The following TMED3 variants were observed in gnomAD, a reference collection of about 807,000 sequenced individuals.
The protein encoded by TMED3 is transmembrane emp24 domain-containing protein 3.
Under a neutral mutation model 15.0 loss-of-function variants are expected in TMED3, and 9 were observed. That is an observed-to-expected ratio of 0.60 (90% CI 0.36 to 1.04). The LOEUF is 1.04. Among genes scored for constraint, TMED3 ranks in the 50% least tolerant of loss-of-function variants. The pLI is 0.01. For synonymous variants in TMED3, 117 were observed against 121.4 expected (o/e 0.96, Z 0.24); for missense variants, 267 against 278.9 (o/e 0.96, Z 0.30).
At chr15:79,370,713 A>G (rs1360399605) in intron 2 of TMED3, among the ~76,000 whole-genome samples, 1 of 152,178 alleles carries the variant, frequency 6.6e-6, no homozygotes, top group African/African-American at 2.4e-5. Context: ...AGACCTTGAA[A>G]TCCAATGATA....
At chr15:79,407,506 T>C (rs1893916832) in intron 2 of TMED3, among the ~76,000 whole-genome samples, 1 of 152,152 alleles carries the variant, frequency 6.6e-6, no homozygotes, top group Admixed American at 6.5e-5. Context: ...TGGTTGTTGA[T>C]CTGGAGGCAA....
At chr15:79,373,102 T>C (rs970548552) in intron 2 of TMED3, among the ~76,000 whole-genome samples, 8 of 152,238 alleles carry the variant, frequency 5.3e-5, no homozygotes, top group African/African-American at 1.9e-4. Flanking sequence ...GATTCTGTTT[T>C]ATTTTTATAC....
chr15:79,405,108 G>A (rs1158740506), intron 2 of TMED3, among the ~76,000 whole-genome samples: 1 of 152,160 alleles, frequency 6.6e-6, no homozygotes, highest in Non-Finnish European at 1.5e-5. Flanking sequence ...AAAAATATCA[G>A]TTCATAATAC....
intron 1 of TMED3, 72 bp downstream of exon 1, chr15:79,311,489 CTGACT>C: frequency 2.7e-6 from 4 of 1,502,784 alleles, no homozygotes; most frequent in Non-Finnish European, 3.6e-6. Context: ...TGGCTAGCCC[CTGACT>C]GGAGGCGCTC....
chr15:79,363,120 A>G (rs1893162919), intron 2 of TMED3, among the ~76,000 whole-genome samples: 1 of 152,230 alleles, frequency 6.6e-6, no homozygotes. Flanking sequence ...TGGACTAGTG[A>G]ATAAATAGAT....
chr15:79,348,790 G>A (rs920462610), intron 2 of TMED3, among the ~76,000 whole-genome samples: 6 of 152,078 alleles, frequency 3.9e-5, no homozygotes, highest in African/African-American at 1.4e-4. Context: ...AGGGTGTAAG[G>A]GTTCCTTTTT....
intron 2 of TMED3, among the ~76,000 whole-genome samples, chr15:79,385,550 A>G (rs770357656): frequency 6.6e-6 from 1 of 151,722 alleles, no homozygotes; most frequent in East Asian, 1.9e-4. Flanking sequence ...AAGGAGCAGG[A>G]CTCCTGCTTG....
At chr15:79,353,042 A>T (rs2058899159) in intron 2 of TMED3, among the ~76,000 whole-genome samples, 1 of 95,586 alleles carries the variant, frequency 1.0e-5, no homozygotes, top group Admixed American at 1.6e-4. Flanking sequence ...TATATATATT[A>T]TATATATAAA....
At chr15:79,373,657 G>A (rs769593942) in intron 2 of TMED3, among the ~76,000 whole-genome samples, 4 of 152,176 alleles carry the variant, frequency 2.6e-5, no homozygotes, top group Admixed American at 6.5e-5. Context: ...GATTTATTCT[G>A]TGCCAAATAT....
intron 2 of TMED3, among the ~76,000 whole-genome samples, chr15:79,346,959 C>T (rs72740327): frequency 0.15 from 22,975 of 152,108 alleles, 1,701 homozygotes; most frequent in Middle Eastern, 0.2. Flanking sequence ...TGTACAAAGA[C>T]GATCTGGTAG....
At chr15:79,311,519 C>A in intron 1 of TMED3, 102 bp downstream of exon 1, 1 of 1,389,234 alleles carries the variant, frequency 7.2e-7, no homozygotes, top group Non-Finnish European at 9.6e-7. Flanking sequence ...TAGCCACAGG[C>A]TACAGGGAGG....
chr15:79,359,255 C>T (rs573324596), intron 2 of TMED3, among the ~76,000 whole-genome samples: 19 of 116,378 alleles, frequency 1.6e-4, no homozygotes, highest in East Asian at 2.4e-4. Flanking sequence ...TTTTTTGAGA[C>T]GGAGTCTTGC....
chr15:79,387,085 G>A (rs1218238076), intron 2 of TMED3, among the ~76,000 whole-genome samples: 2 of 152,036 alleles, frequency 1.3e-5, no homozygotes, highest in African/African-American at 4.8e-5. Context: ...ATGCCACCAT[G>A]CCTGGCTAAT....
chr15:79,359,691 G>A (rs954828968), intron 2 of TMED3, among the ~76,000 whole-genome samples: 8 of 152,294 alleles, frequency 5.3e-5, no homozygotes, highest in Non-Finnish European at 7.4e-5. Context: ...TGAAGAGATT[G>A]AGAGATCAAG....
At chr15:79,348,059 C>T (rs1159795868) in intron 2 of TMED3, among the ~76,000 whole-genome samples, 1 of 152,116 alleles carries the variant, frequency 6.6e-6, no homozygotes, top group East Asian at 1.9e-4. Context: ...GATAAGAGCT[C>T]TATAATAAAA....
chr15:79,405,713 C>T (rs2865696), intron 2 of TMED3, among the ~76,000 whole-genome samples: 70,201 of 152,008 alleles, frequency 0.46, 16,628 homozygotes, highest in East Asian at 0.68. Flanking sequence ...AAATACTTTC[C>T]GCTTCTGGCT....
intron 2 of TMED3, chr15:79,314,634 A>G (rs2058732893): frequency 2.3e-6 from 1 of 443,308 alleles, no homozygotes; most frequent in Non-Finnish European, 4.6e-6. Flanking sequence ...GGGAATACGT[A>G]TCACCTGCTC....
chr15:79,333,405 G>A (rs2058816598), intron 2 of TMED3, among the ~76,000 whole-genome samples: 1 of 152,218 alleles, frequency 6.6e-6, no homozygotes, highest in Non-Finnish European at 1.5e-5. Flanking sequence ...TTTAGGTTAT[G>A]TAGAAAGCAA....
chr15:79,395,077 T>G (rs568719115), intron 2 of TMED3, among the ~76,000 whole-genome samples: 1 of 152,352 alleles, frequency 6.6e-6, no homozygotes, highest in East Asian at 1.9e-4. Context: ...CTACTCTCTT[T>G]TCTTCTTCTC....
Sources: allele counts gnomAD v4.1 joint callset (sites outside exome capture counted in the v4.1 genomes callset), GRCh38; gene constraint gnomAD v4.1.1; transcripts MANE v1.5; gene names NCBI Gene and HGNC (gene_info 2026-07-23, HGNC 2026-07-21).